Variants in PTGIS observed in about 807,000 individuals in gnomAD.
PTGIS encodes prostaglandin I2 synthase, also known as prostacyclin synthase.
Under a neutral mutation model 50.3 loss-of-function variants are expected in PTGIS, and 45 were observed. That is an observed-to-expected ratio of 0.90 (90% CI 0.70 to 1.15). The LOEUF (loss-of-function observed/expected upper bound fraction) is 1.15, where lower values mean the gene tolerates loss of function less well. Among genes scored for constraint, PTGIS ranks in the 50% most tolerant of loss-of-function variants. PTGIS has a pLI of 0.00. For synonymous variants in PTGIS, 260 were observed against 267.7 expected, an observed-to-expected ratio of 0.97 and a Z score of 0.28; for missense variants, 668 against 661.3, an observed-to-expected ratio of 1.01 and a Z score of -0.11.
At chr20:49,537,522 A>C (rs1241909891) in intron 5 of PTGIS, among the ~76,000 whole-genome samples, 1 of 152,222 alleles carries the variant, frequency 6.6e-6, no homozygotes, top group African/African-American at 2.4e-5. Flanking sequence ...TGGGAGGCCG[A>C]GGCAGGCAGA....
At chr20:49,539,448 G>C (rs1982165075) in intron 5 of PTGIS, 122 bp downstream of exon 5, 3 of 1,180,400 alleles carry the variant, frequency 2.5e-6, no homozygotes. Context: ...GGATCTTACT[G>C]CCTCCCTGGG....
Position 49,507,917 on chromosome 20 carries a change from G to C in PTGIS, c.*3C>G. On this transcript the variant is annotated 3_prime_UTR_variant, in exon 10 of 10. Transcript: ENST00000244043. ...GAGCACGTGGATCCATCTGCTCCCT[G>C]TGTCATGGGCGGATGCGGTAGCGGA... 1 of 1,611,406 alleles carries C rather than the reference G, an allele frequency of 6.2e-7. No homozygotes were observed. The highest frequency in any genetic ancestry group is 8.5e-7 in the Non-Finnish European group (1 of 1,180,022).
At chr20:49,520,197 G>C (rs1209536802) in intron 6 of PTGIS, among the ~76,000 whole-genome samples, 2 of 152,140 alleles carry the variant, frequency 1.3e-5, no homozygotes, top group Non-Finnish European at 2.9e-5. Flanking sequence ...CTCCCTGCCT[G>C]GGAAACTTCA....
chr20:49,516,507 C>T (rs934078160), intron 6 of PTGIS, among the ~76,000 whole-genome samples: 1 of 152,120 alleles, frequency 6.6e-6, no homozygotes, highest in Non-Finnish European at 1.5e-5. Flanking sequence ...ATCATTTCTA[C>T]AGTGATGTAC....
At position 49,568,023 on chromosome 20, in the gene PTGIS, G is replaced by T. The variant is rs116939356; in HGVS notation, c.74+20C>A. 141,295 of 1,474,042 alleles carry T rather than the reference G, an allele frequency of 0.096. 7,288 individuals carry two copies. The highest frequency in any genetic ancestry group is 0.13 in the South Asian group (10,080 of 77,530). The allele number at this position is 1,474,042 out of a possible 1,614,324, so 91.3% of individuals were successfully genotyped here. A position where few individuals can be genotyped will look rare whatever the true frequency, so the allele number is the denominator to read the frequency against. On this transcript the variant is annotated intron_variant, in intron 1 of 9. Coordinates refer to ENST00000244043, the MANE Select transcript of PTGIS (RefSeq NM_000961.4). ...GCCGCCCCCTTTGTCTGGCGGGGCC[G>T]AGCGGAGCAGGACACTCACCGCGTG...
rs149721443 is a variant in PTGIS, at chr20:49,530,561, C to T, written c.674-6322G>A. 3.7e-3 allele frequency among the ~76,000 whole-genome samples: 559 copies of T among 152,308 alleles called. 3 individuals are homozygous for T. Among genetic ancestry groups the T allele is most frequent in the Middle Eastern group, 0.017 (5 of 294 alleles). ...CCCACCACCAGTGCGAAAGAGTTCT[C>T]TTTTCTCCACATCCTTGCCAATATT... On this transcript the variant is annotated intron_variant, in intron 5 of 9. Coordinates refer to ENST00000244043, the MANE Select transcript of PTGIS (RefSeq NM_000961.4).
intron 5 of PTGIS, among the ~76,000 whole-genome samples, chr20:49,538,991 G>A (rs150787576): frequency 5.5e-4 from 84 of 152,056 alleles, no homozygotes; most frequent in African/African-American, 1.8e-3. Flanking sequence ...CTCTCAGTGC[G>A]TTTAGATGTG....
chr20:49,526,302 G>A (rs533545244), intron 5 of PTGIS, among the ~76,000 whole-genome samples: 1 of 152,280 alleles, frequency 6.6e-6, no homozygotes, highest in East Asian at 1.9e-4. Context: ...AAAAAAAGAG[G>A]CAAAGAAATT....
intron 4 of PTGIS, among the ~76,000 whole-genome samples, 163 bp downstream of exon 4, chr20:49,544,142 C>CG (rs1201593100): frequency 6.6e-6 from 1 of 152,132 alleles, no homozygotes; most frequent in Non-Finnish European, 1.5e-5. Flanking sequence ...GATGAACAGC[C>CG]GGGGCCCTGG....
Position 49,547,909 on chromosome 20 carries a change from G to C in PTGIS, c.309C>G (p.Leu103=). ...RLDFHAYAIF[L]MERIFDVQLP... is the part of the protein sequence containing the mutation. ...GCTGCACATCAAAAATCCTCTCCAT[G>C]AGGAAGATGGCATAGGCATGGAAGT... is the stretch of plus-strand genomic sequence containing the variant. Residue 103 remains leucine (L), a synonymous_variant, in exon 3 of 10, where the codon CTC becomes CTG. Coordinates refer to ENST00000244043, the MANE Select transcript of PTGIS (RefSeq NM_000961.4). 6.2e-7 allele frequency: 1 copy of C among 1,614,126 alleles called. No individual in the cohort carries two copies.
At chr20:49,527,675 G>T (rs556712979) in intron 5 of PTGIS, among the ~76,000 whole-genome samples, 2 of 152,052 alleles carry the variant, frequency 1.3e-5, no homozygotes, top group African/African-American at 4.8e-5. Context: ...AATAGATAAC[G>T]GCATGGTTAT....
intron 5 of PTGIS, among the ~76,000 whole-genome samples, chr20:49,527,268 A>T (rs1981814075): frequency 6.7e-6 from 1 of 149,206 alleles, no homozygotes; most frequent in African/African-American, 2.5e-5. Flanking sequence ...AACATGGTGA[A>T]ACCCTGTCTC....
At position 49,539,651 on chromosome 20, in the gene PTGIS, C is replaced by CGCG; in HGVS notation, c.589_591dup (p.Arg197dup). 1 of 1,613,916 alleles carries CGCG rather than the reference C, an allele frequency of 6.2e-7. No homozygotes were observed. Among genetic ancestry groups the CGCG allele is most frequent in the South Asian group, 1.1e-5 (1 of 90,996 alleles). On this transcript the variant is annotated inframe_insertion, in exon 5 of 10. Coordinates refer to ENST00000244043, the MANE Select transcript of PTGIS (RefSeq NM_000961.4). ...GTGTGGAAGACATCAGCTGAGTGGA[C>CGCG]GCGGTCCTGGGCCTGGCTTTCATGG...
chr20:49,518,384 AAAAC>A (rs978285032), intron 6 of PTGIS, among the ~76,000 whole-genome samples: 4 of 152,242 alleles, frequency 2.6e-5, no homozygotes, highest in Non-Finnish European at 5.9e-5. Context: ...GAGTCTATTT[AAAAC>A]AAACAAACAA....
chr20:49,565,957 C>T (rs912995744), intron 1 of PTGIS, among the ~76,000 whole-genome samples: 18 of 152,294 alleles, frequency 1.2e-4, no homozygotes, highest in East Asian at 3.9e-4. Context: ...CAGCAGGGCG[C>T]GGTGACTCAC....
chr20:49,537,656 G>A (rs550027311), intron 5 of PTGIS, among the ~76,000 whole-genome samples: 18 of 152,190 alleles, frequency 1.2e-4, no homozygotes, highest in Non-Finnish European at 2.5e-4. Flanking sequence ...TCAGGAGGCT[G>A]AGGCAGGAGA....
intron 6 of PTGIS, among the ~76,000 whole-genome samples, chr20:49,518,816 C>T (rs1178366913): frequency 2.6e-5 from 4 of 152,138 alleles, no homozygotes; most frequent in South Asian, 2.1e-4. Context: ...CTTTCTACTC[C>T]GTTGTCAGAT....
At chr20:49,567,493 G>A (rs1982929417) in intron 1 of PTGIS, among the ~76,000 whole-genome samples, 2 of 152,164 alleles carry the variant, frequency 1.3e-5, no homozygotes, top group South Asian at 4.2e-4. Context: ...TCCAGGGCAT[G>A]ATCAAGACAT....
In PTGIS at chr20:49,568,132, G is replaced by GCTGGCGGGA; in HGVS notation, c.-17_-16insTCCCGCCAG. On this transcript the variant is annotated 5_prime_UTR_variant, in exon 1 of 10. Coordinates refer to ENST00000244043, the MANE Select transcript of PTGIS (RefSeq NM_000961.4). ...CCCAAGCCATCGCGGGGCTGGCGGGGCTGGCGGGGCTGGCGGGGCTGGCGG... is the reference window on the plus strand; with the variant it reads ...CCCAAGCCATCGCGGGGCTGGCGGGGCTGGCGGGACTGGCGGGGCTGGCGGGGCTGGCGG... The GCTGGCGGGA allele has an allele frequency of 2.5e-6, 3 of 1,182,506 alleles. No individual in the cohort carries two copies. The highest frequency in any genetic ancestry group is 1.6e-5 in the African/African-American group (1 of 61,358). The allele number at this position is 1,182,506 out of a possible 1,614,324, so 73.3% of individuals were successfully genotyped here.
Sources: allele counts gnomAD v4.1 joint callset (sites outside exome capture counted in the v4.1 genomes callset), GRCh38; gene constraint gnomAD v4.1.1; transcripts MANE v1.5; gene names NCBI Gene and HGNC (gene_info 2026-07-23, HGNC 2026-07-21).